The following GRID2 variants were observed in gnomAD, a reference collection of about 807,000 sequenced individuals.
The protein encoded by GRID2 is glutamate ionotropic receptor delta type subunit 2.
GRID2 carries 33 observed loss-of-function variants against 114.8 expected under a neutral mutation model. The ratio of observed to expected loss-of-function variants is 0.29; its 90% CI spans 0.22 to 0.38. The LOEUF is 0.38. GRID2 is among the 10% of genes least tolerant of loss of function. GRID2 has a pLI of 1.00. For missense variants in GRID2, 1,184 were observed against 1,257.7 expected (o/e 0.94, Z 0.89); for synonymous variants, 505 against 449.9 (o/e 1.12, Z -1.55).
intron 8 of GRID2, among the ~76,000 whole-genome samples, chr4:93,275,458 A>G (rs1056426773): frequency 6.6e-6 from 1 of 151,618 alleles, no homozygotes; most frequent in African/African-American, 2.4e-5. Flanking sequence ...ATACCTAGGA[A>G]TAGAAATGAT....
At chr4:93,211,824 G>A (rs1303812919) in intron 5 of GRID2, among the ~76,000 whole-genome samples, 1 of 152,010 alleles carries the variant, frequency 6.6e-6, no homozygotes, top group Non-Finnish European at 1.5e-5. Context: ...AATGTTTTCT[G>A]TATTTTAACC....
At chr4:93,709,004 T>C (rs543744652) in intron 14 of GRID2, among the ~76,000 whole-genome samples, 1 of 152,224 alleles carries the variant, frequency 6.6e-6, no homozygotes, top group African/African-American at 2.4e-5. Context: ...CTTCATCCCT[T>C]CTTTTAAGCT....
chr4:93,480,073 A>G (rs1192347428), intron 11 of GRID2, among the ~76,000 whole-genome samples: 1 of 152,126 alleles, frequency 6.6e-6, no homozygotes, highest in East Asian at 1.9e-4. Context: ...TATTTAAAAC[A>G]TTACATGTTT....
chr4:92,960,247 G>C (rs1186346878), intron 2 of GRID2, among the ~76,000 whole-genome samples: 1 of 151,954 alleles, frequency 6.6e-6, no homozygotes, highest in Non-Finnish European at 1.5e-5. Flanking sequence ...GATGTTGAAT[G>C]AAGTACCCAA....
chr4:92,351,272 C>T (rs954449660), intron 1 of GRID2, among the ~76,000 whole-genome samples: 13 of 151,738 alleles, frequency 8.6e-5, no homozygotes, highest in Non-Finnish European at 1.6e-4. Flanking sequence ...AAAACAGCTG[C>T]ATTATTTTAT....
chr4:92,515,921 T>C (rs111681576), intron 1 of GRID2, among the ~76,000 whole-genome samples: 2 of 151,970 alleles, frequency 1.3e-5, no homozygotes, highest in Non-Finnish European at 1.5e-5. Flanking sequence ...AGAAAGTAGA[T>C]TTTTTTAAAA....
At chr4:92,918,879 G>A (rs750856506) in intron 2 of GRID2, among the ~76,000 whole-genome samples, 1 of 152,186 alleles carries the variant, frequency 6.6e-6, no homozygotes, top group Non-Finnish European at 1.5e-5. Flanking sequence ...ATGAGTTAGG[G>A]AAGATTCCCT....
intron 14 of GRID2, among the ~76,000 whole-genome samples, chr4:93,627,380 T>A (rs1426104512): frequency 3.3e-5 from 5 of 152,118 alleles, no homozygotes; most frequent in East Asian, 1.9e-4. Flanking sequence ...TGTTTTTTTT[T>A]AAAAGAACTA....
intron 6 of GRID2, 88 bp downstream of exon 6, chr4:93,216,999 TTA>T: frequency 1.2e-6 from 1 of 823,332 alleles, no homozygotes; most frequent in South Asian, 1.6e-5. Context: ...GGATTCAGAA[TTA>T]TACGTGTTAT....
chr4:92,898,832 G>A (rs139860367), intron 2 of GRID2, among the ~76,000 whole-genome samples: 1,565 of 152,090 alleles, frequency 0.01, 13 homozygotes, highest in Non-Finnish European at 0.015. Flanking sequence ...ATGGTTACTC[G>A]AAAGCAGTTT....
At chr4:92,442,399 C>G (rs542114681) in intron 1 of GRID2, among the ~76,000 whole-genome samples, 1 of 151,980 alleles carries the variant, frequency 6.6e-6, no homozygotes. Flanking sequence ...TTCCTTGGCC[C>G]GGTGGCCAGA....
intron 13 of GRID2, among the ~76,000 whole-genome samples, chr4:93,530,757 C>T (rs895092358): frequency 2.6e-5 from 4 of 152,146 alleles, no homozygotes; most frequent in South Asian, 2.1e-4. Context: ...TCTATCTCTA[C>T]AGCATTGAGC....
chr4:92,698,516 G>T (rs1252288042), intron 2 of GRID2, among the ~76,000 whole-genome samples: 1 of 151,462 alleles, frequency 6.6e-6, no homozygotes, highest in Non-Finnish European at 1.5e-5. Context: ...TAGCTGGAGG[G>T]TCATATTATG....
At chr4:93,728,111 T>A (rs888072746) in intron 14 of GRID2, among the ~76,000 whole-genome samples, 1 of 152,154 alleles carries the variant, frequency 6.6e-6, no homozygotes, top group Non-Finnish European at 1.5e-5. Context: ...CTGCTTTCTC[T>A]TGTGGGCATT....
At chr4:92,661,919 C>T (rs530699440) in intron 2 of GRID2, among the ~76,000 whole-genome samples, 1 of 151,016 alleles carries the variant, frequency 6.6e-6, no homozygotes, top group South Asian at 2.1e-4. Flanking sequence ...TTTTGAATAA[C>T]TAAAAATGCT....
intron 2 of GRID2, among the ~76,000 whole-genome samples, chr4:92,751,527 G>GT (rs1737454570): frequency 6.6e-6 from 1 of 152,276 alleles, no homozygotes; most frequent in African/African-American, 2.4e-5. Context: ...CAAAGAGATA[G>GT]TTCTTAGAAA....
intron 3 of GRID2, among the ~76,000 whole-genome samples, chr4:93,106,716 T>C (rs1212909424): frequency 6.6e-6 from 1 of 151,718 alleles, no homozygotes. Context: ...CCACATATCA[T>C]GGGTATTTGG....
chr4:92,395,364 T>A (rs1385923099), intron 1 of GRID2, among the ~76,000 whole-genome samples: 1 of 151,682 alleles, frequency 6.6e-6, no homozygotes, highest in East Asian at 1.9e-4. Flanking sequence ...AATGTATATA[T>A]AAAATAAAAT....
At chr4:92,720,497 A>G (rs1005408446) in intron 2 of GRID2, among the ~76,000 whole-genome samples, 6 of 152,006 alleles carry the variant, frequency 3.9e-5, no homozygotes, top group East Asian at 1.9e-4. Flanking sequence ...GGTATTGTAC[A>G]CTAATTAAAA....
Sources: allele counts gnomAD v4.1 joint callset (sites outside exome capture counted in the v4.1 genomes callset), GRCh38; gene constraint gnomAD v4.1.1; transcripts MANE v1.5; gene names NCBI Gene and HGNC (gene_info 2026-07-23, HGNC 2026-07-21).